Variants in B3GALNT1 observed in about 807,000 individuals in gnomAD.
B3GALNT1 encodes UDP-GalNAc:beta-1,3-N-acetylgalactosaminyltransferase 1.
A neutral mutation model predicts 27.3 loss-of-function variants in B3GALNT1; 17 were observed. The ratio of observed to expected loss-of-function variants is 0.62; its 90% CI spans 0.43 to 0.94. The LOEUF (loss-of-function observed/expected upper bound fraction) is 0.94. Ranked by LOEUF, B3GALNT1 falls within the 40% of genes least tolerant of loss-of-function variation. The pLI is 0.00. For missense variants in B3GALNT1, 347 were observed against 390.0 expected (o/e 0.89, Z 0.93); for synonymous variants, 141 against 144.0 (o/e 0.98, Z 0.15).
chr3:161,084,068 G>T lies in B3GALNT1; in HGVS notation c.*1691C>A, dbSNP rs182778239. The T allele has an allele frequency of 2.0e-5, 3 of 152,168 alleles. No homozygotes were observed. The highest frequency in any genetic ancestry group is 2.0e-4 in the Admixed American group (3 of 15,276). The allele number at this position is 152,168 out of a possible 1,614,324, so 9.4% of individuals were successfully genotyped here. On this transcript the variant is annotated 3_prime_UTR_variant, in exon 5 of 5. Transcript: ENST00000320474. ...CATTAAAACGGCTAAAACATCATGAGGCAATAGATTTTCTGCTCCATTATA... is the reference window on the plus strand; with the variant it reads ...CATTAAAACGGCTAAAACATCATGATGCAATAGATTTTCTGCTCCATTATA...
At position 161,086,464 on chromosome 3, in the gene B3GALNT1, A is replaced by C. The variant is rs1474728074; in HGVS notation, c.291T>G (p.Ile97Met). Residue 97 changes from isoleucine to methionine, a missense_variant, in exon 5 of 5, where the codon ATT becomes ATG. By Grantham distance (10) the Ile-to-Met change is conservative. Transcript: ENST00000320474. The part of the protein sequence containing the change: ...HPSDVKARQA[I>M]RVTWGEKKSW... ...ACTTTTTTTCACCCCAAGTAACTCT[A>C]ATGGCCTGCCTGGCTTTCACATCTG... 7.4e-6 allele frequency: 12 copies of C among 1,613,840 alleles called. No individual in the cohort carries two copies. Among genetic ancestry groups the C allele is most frequent in the Non-Finnish European group, 9.3e-6 (11 of 1,180,032 alleles).
intron 4 of B3GALNT1, among the ~76,000 whole-genome samples, chr3:161,089,610 A>C (rs1441768937): frequency 1.3e-5 from 2 of 152,238 alleles, no homozygotes; most frequent in Non-Finnish European, 2.9e-5. Context: ...ATTGAGAAAT[A>C]GAAGACACAA....
At chr3:161,092,261 C>T (rs1357089954) in intron 4 of B3GALNT1, among the ~76,000 whole-genome samples, 1 of 152,036 alleles carries the variant, frequency 6.6e-6, no homozygotes. Context: ...CAATGGAATC[C>T]TATATGATAG....
At position 161,086,503 on chromosome 3, in the gene B3GALNT1, C is replaced by T. The variant is rs768129779; in HGVS notation, c.252G>A (p.Val84=). 4 of 1,613,986 alleles carry T rather than the reference C, an allele frequency of 2.5e-6. No individual in the cohort carries two copies. In the South Asian group the frequency reaches 4.4e-5, roughly 18 times the overall value. Residue 84 remains valine (V), a synonymous_variant, in exon 5 of 5, where the codon GTG becomes GTA. Transcript: ENST00000320474. ...SHQNPFLVIL[V]TSHPSDVKAR... ...CTTTCACATCTGAAGGGTGGGAGGTCACCAGAATGACCAGAAATGGATTTT... is the reference window on the plus strand; with the variant it reads ...CTTTCACATCTGAAGGGTGGGAGGTTACCAGAATGACCAGAAATGGATTTT...
At chr3:161,091,872 T>C (rs900981114) in intron 4 of B3GALNT1, among the ~76,000 whole-genome samples, 6 of 152,224 alleles carry the variant, frequency 3.9e-5, no homozygotes, top group African/African-American at 1.4e-4. Flanking sequence ...CAATCTTTCA[T>C]GAAATTACTG....
At position 161,103,390 on chromosome 3, in the gene B3GALNT1, T is replaced by C. The variant is rs548787698; in HGVS notation, c.-130+37A>G. The C allele has an allele frequency of 1.0e-4, 105 of 1,034,178 alleles. No homozygotes were observed. In the South Asian group the frequency reaches 1.3e-3, roughly 13 times the overall value. 64.1% of individuals were successfully genotyped at this position (1,034,178 alleles called of 1,614,324 possible). A position where few individuals can be genotyped will look rare whatever the true frequency, so the allele number is the denominator to read the frequency against. On this transcript the variant is annotated intron_variant, in intron 3 of 4. Transcript: ENST00000320474. ...CATTATTATGGGCATTTTTAACCAA[T>C]TAGGATAATTTATAAGTTAAAAGTA...
At chr3:161,103,222 A>T (rs1732359247) in intron 3 of B3GALNT1, 1 of 214,434 alleles carries the variant, frequency 4.7e-6, no homozygotes, top group Admixed American at 5.6e-5. Flanking sequence ...TTCAAGCAAG[A>T]AAAAAGAAAA....
intron 4 of B3GALNT1, among the ~76,000 whole-genome samples, chr3:161,100,026 T>C (rs1730365200): frequency 6.6e-6 from 1 of 152,170 alleles, no homozygotes; most frequent in African/African-American, 2.4e-5. Flanking sequence ...GATGTTCTGT[T>C]CTGGAGACAA....
intron 4 of B3GALNT1, among the ~76,000 whole-genome samples, chr3:161,098,844 A>G (rs148619220): frequency 9.8e-5 from 15 of 152,326 alleles, no homozygotes; most frequent in Non-Finnish European, 1.5e-4. Context: ...AGGAGCTAGA[A>G]GAGATTCACT....
chr3:161,095,062 A>C (rs994343447), intron 4 of B3GALNT1, among the ~76,000 whole-genome samples: 1 of 151,946 alleles, frequency 6.6e-6, no homozygotes, highest in Non-Finnish European at 1.5e-5. Flanking sequence ...GAACTCCTGG[A>C]CTCAAGCAAT....
At chr3:161,094,327 A>G (rs1726932995) in intron 4 of B3GALNT1, among the ~76,000 whole-genome samples, 2 of 152,216 alleles carry the variant, frequency 1.3e-5, no homozygotes, top group South Asian at 2.1e-4. Context: ...CTGAAATACA[A>G]ATTTTTAACA....
Position 161,105,223 on chromosome 3 carries a change from C to T in B3GALNT1, c.-309+12G>A, listed in dbSNP as rs1158723272. ...GCCTCGGAGACCCTGCAGGGCCGCC[C>T]TTCTCACTCACCTCCTGTGCTCGGC... On this transcript the variant is annotated intron_variant, in intron 1 of 4. Coordinates refer to ENST00000320474, the MANE Select transcript of B3GALNT1 (RefSeq NM_003781.4). 2.6e-5 allele frequency: 4 copies of T among 152,380 alleles called. No individual in the cohort carries two copies. The South Asian group carries it at 6.2e-4, about 24-fold the overall frequency. 9.4% of individuals were successfully genotyped at this position (152,380 alleles called of 1,614,324 possible).
At chr3:161,087,292 A>G (rs1419389141) in intron 4 of B3GALNT1, among the ~76,000 whole-genome samples, 2 of 152,210 alleles carry the variant, frequency 1.3e-5, no homozygotes, top group African/African-American at 4.8e-5. Context: ...GCAAATCTGG[A>G]TAAGAAAAAC....
At chr3:161,089,961 T>A (rs1224574040) in intron 4 of B3GALNT1, 1 of 218,518 alleles carries the variant, frequency 4.6e-6, no homozygotes, top group Non-Finnish European at 1.0e-5. Flanking sequence ...CCCACCTACT[T>A]GGGAGGCTGA....
At chr3:161,101,005 A>T (rs1730945071) in intron 4 of B3GALNT1, 134 bp downstream of exon 4, 3 of 493,440 alleles carry the variant, frequency 6.1e-6, no homozygotes, top group South Asian at 5.4e-5. Flanking sequence ...TCCAAACTCA[A>T]GCCCTTCAAC....
intron 4 of B3GALNT1, among the ~76,000 whole-genome samples, chr3:161,087,191 A>G (rs939070844): frequency 3.3e-5 from 5 of 152,252 alleles, no homozygotes; most frequent in African/African-American, 1.2e-4. Context: ...AACTATAAAA[A>G]AAGAAGGATT....
intron 4 of B3GALNT1, among the ~76,000 whole-genome samples, chr3:161,092,835 C>T (rs1205186767): frequency 8.5e-5 from 12 of 141,470 alleles, no homozygotes; most frequent in Admixed American, 2.2e-4. Flanking sequence ...GGTGCAATCT[C>T]GGCTCACTGC....
At chr3:161,094,474 C>A (rs1187177399) in intron 4 of B3GALNT1, among the ~76,000 whole-genome samples, 1 of 152,116 alleles carries the variant, frequency 6.6e-6, no homozygotes, top group Non-Finnish European at 1.5e-5. Flanking sequence ...AACAGAGATA[C>A]TACAATGGCA....
intron 2 of B3GALNT1, chr3:161,104,008 T>C: frequency 4.4e-6 from 1 of 224,926 alleles, no homozygotes; most frequent in Admixed American, 5.6e-5. Flanking sequence ...ATTACTGGCG[T>C]GAGCCACCGC....
Sources: allele counts gnomAD v4.1 joint callset (sites outside exome capture counted in the v4.1 genomes callset), GRCh38; gene constraint gnomAD v4.1.1; transcripts MANE v1.5; gene names NCBI Gene and HGNC (gene_info 2026-07-23, HGNC 2026-07-21).